The following KDM4C variants were observed in gnomAD, a reference collection of about 807,000 sequenced individuals.
KDM4C encodes the protein lysine-specific demethylase 4C.
KDM4C carries 81 observed loss-of-function variants against 129.3 expected under a neutral mutation model. The ratio of observed to expected loss-of-function variants is 0.63; its 90% CI spans 0.52 to 0.75. The LOEUF (loss-of-function observed/expected upper bound fraction) is 0.75, where lower values mean the gene tolerates loss of function less well. KDM4C is among the 30% of genes least tolerant of loss of function. KDM4C has a pLI of 0.00. For missense variants in KDM4C, 1,457 were observed against 1,304.0 expected (o/e 1.12, Z -1.81); for synonymous variants, 573 against 456.1 (o/e 1.26, Z -3.26).
At chr9:6,786,958 T>C (rs1286589288) in intron 1 of KDM4C, among the ~76,000 whole-genome samples, 3 of 152,218 alleles carry the variant, frequency 2.0e-5, no homozygotes, top group African/African-American at 7.2e-5. Context: ...TTTTAGATTA[T>C]TTAACATATT....
chr9:6,807,185 C>A (rs1421660102), intron 3 of KDM4C, among the ~76,000 whole-genome samples: 1 of 152,176 alleles, frequency 6.6e-6, no homozygotes, highest in Non-Finnish European at 1.5e-5. Flanking sequence ...CTCGTTCACT[C>A]AGTGCTCAAT....
intron 5 of KDM4C, among the ~76,000 whole-genome samples, chr9:6,874,916 C>G (rs1037332381): frequency 1.3e-5 from 2 of 150,394 alleles, no homozygotes; most frequent in Non-Finnish European, 3.0e-5. Flanking sequence ...ATAGTGAAAC[C>G]CTCATCTCTA....
chr9:6,983,218 G>A (rs971283533), intron 9 of KDM4C, among the ~76,000 whole-genome samples: 12 of 152,128 alleles, frequency 7.9e-5, no homozygotes, highest in African/African-American at 2.9e-4. Context: ...TTCCTACAGT[G>A]CTTAGTCCTG....
At chr9:6,970,410 A>C (rs1316628812) in intron 8 of KDM4C, among the ~76,000 whole-genome samples, 2 of 152,220 alleles carry the variant, frequency 1.3e-5, no homozygotes, top group Non-Finnish European at 2.9e-5. Context: ...TTGTAGAGTG[A>C]ATGCTTCATA....
At chr9:7,161,082 T>TCAG (rs1190146033) in intron 19 of KDM4C, among the ~76,000 whole-genome samples, 1 of 152,172 alleles carries the variant, frequency 6.6e-6, no homozygotes, top group Non-Finnish European at 1.5e-5. Flanking sequence ...CACTTCAGTC[T>TCAG]CAGACTGCTG....
chr9:6,737,050 CAA>C (rs566235532), intron 1 of KDM4C, among the ~76,000 whole-genome samples: 47 of 36,404 alleles, frequency 1.3e-3, no homozygotes, highest in African/African-American at 4.2e-3. Flanking sequence ...GATTCTGTCT[CAA>C]AAAAAAAAAA....
At chr9:6,734,090 C>T (rs1326351239) in intron 1 of KDM4C, among the ~76,000 whole-genome samples, 1 of 152,128 alleles carries the variant, frequency 6.6e-6, no homozygotes, top group African/African-American at 2.4e-5. Flanking sequence ...CAGTGGGTCT[C>T]AGCCTTATTT....
chr9:6,892,829 C>G (rs905504081), intron 7 of KDM4C, among the ~76,000 whole-genome samples: 1 of 152,124 alleles, frequency 6.6e-6, no homozygotes, highest in Non-Finnish European at 1.5e-5. Flanking sequence ...AAGATACCTT[C>G]AATTAAAATG....
intron 8 of KDM4C, among the ~76,000 whole-genome samples, chr9:6,915,424 A>T (rs1448362129): frequency 6.6e-6 from 1 of 152,222 alleles, no homozygotes; most frequent in Non-Finnish European, 1.5e-5. Flanking sequence ...ACTGTGATGA[A>T]CACTTGGAGA....
chr9:7,069,464 A>G (rs1470987660), intron 17 of KDM4C, among the ~76,000 whole-genome samples: 2 of 152,224 alleles, frequency 1.3e-5, no homozygotes, highest in Non-Finnish European at 2.9e-5. Flanking sequence ...GTGAGCCATG[A>G]TTGCACCACT....
intron 5 of KDM4C, among the ~76,000 whole-genome samples, chr9:6,864,642 T>G (rs1311709442): frequency 6.6e-6 from 1 of 151,922 alleles, no homozygotes; most frequent in African/African-American, 2.4e-5. Flanking sequence ...CTAATTTTTT[T>G]TTTTAAATTT....
chr9:7,168,458 T>C (rs1587971709), intron 20 of KDM4C, among the ~76,000 whole-genome samples: 1 of 152,204 alleles, frequency 6.6e-6, no homozygotes, highest in Admixed American at 6.5e-5. Context: ...CCTAAACCAA[T>C]CTAAACCTAG....
intron 1 of KDM4C, among the ~76,000 whole-genome samples, chr9:6,732,364 CAAAAAAAAAAAAAAAAAAAAAAAAA>C (rs66904997): frequency 3.3e-5 from 1 of 29,978 alleles, no homozygotes; most frequent in Admixed American, 5.6e-4. Context: ...GACTCTGTCT[CAAAAAAAAAAAAAAAAAAAAAAAAA>C]AAAAAAAAAA....
At chr9:7,032,073 A>T (rs909346697) in intron 15 of KDM4C, among the ~76,000 whole-genome samples, 1 of 152,246 alleles carries the variant, frequency 6.6e-6, no homozygotes, top group African/African-American at 2.4e-5. Context: ...GTGAACCACG[A>T]AGCTCCAACC....
At chr9:6,817,195 G>GCCCCC (rs35527694) in intron 4 of KDM4C, among the ~76,000 whole-genome samples, 596 of 53,248 alleles carry the variant, frequency 0.011, no homozygotes, top group South Asian at 0.016. Flanking sequence ...CCCTCCCCCT[G>GCCCCC]CCCCCCCCCC....
At chr9:6,740,666 G>A (rs774796010) in intron 1 of KDM4C, among the ~76,000 whole-genome samples, 38 of 151,930 alleles carry the variant, frequency 2.5e-4, no homozygotes, top group African/African-American at 4.6e-4. Context: ...TTACAGGCGC[G>A]CGCCACCACA....
chr9:6,964,810 T>C (rs1589355599), intron 8 of KDM4C, among the ~76,000 whole-genome samples: 1 of 129,248 alleles, frequency 7.7e-6, no homozygotes, highest in Non-Finnish European at 1.6e-5. Context: ...AACCACAGAC[T>C]GGGCGCAGTA....
At chr9:7,064,813 GTTA>G (rs1832188809) in intron 17 of KDM4C, among the ~76,000 whole-genome samples, 5 of 152,162 alleles carry the variant, frequency 3.3e-5, no homozygotes, top group Admixed American at 3.3e-4. Flanking sequence ...GTGATGTTCA[GTTA>G]TTATTATCAG....
At chr9:7,166,944 T>G (rs1172630040) in intron 20 of KDM4C, among the ~76,000 whole-genome samples, 1 of 152,228 alleles carries the variant, frequency 6.6e-6, no homozygotes, top group Non-Finnish European at 1.5e-5. Context: ...TTGAGATCTT[T>G]TTGTGTTTTG....
Sources: gnomAD v4.1 joint callset for allele counts (sites outside exome capture counted in the v4.1 genomes callset) on GRCh38, gnomAD v4.1.1 for gene constraint, MANE v1.5 for transcripts, NCBI Gene and HGNC (gene_info 2026-07-23, HGNC 2026-07-21) for gene names.